Variants in EIF3H observed in about 807,000 individuals in gnomAD.
EIF3H encodes the protein eukaryotic translation initiation factor 3 subunit H.
EIF3H carries 26 observed loss-of-function variants against 44.2 expected under a neutral mutation model. The ratio of observed to expected loss-of-function variants is 0.59; its 90% CI spans 0.43 to 0.82. The LOEUF is 0.82. Among genes scored for constraint, EIF3H ranks in the 40% least tolerant of loss-of-function variants. The probability of loss-of-function intolerance (pLI) is 0.00; values close to 1 mark genes in which losing one functional copy is unlikely to be tolerated. For missense variants in EIF3H, 359 were observed against 432.8 expected, an observed-to-expected ratio of 0.83 and a Z score of 1.51; for synonymous variants, 166 against 151.9, an observed-to-expected ratio of 1.09 and a Z score of -0.68.
At position 116,743,798 on chromosome 8, in the gene EIF3H, A is replaced by ATATATATATATAT. The variant is rs1491232249; in HGVS notation, c.132+11867_132+11868insATATATATATATA. Among the ~76,000 whole-genome samples the ATATATATATATAT allele has an allele frequency of 1.6e-3, 130 of 79,622 alleles. 1 individual carries two copies. Among genetic ancestry groups the ATATATATATATAT allele is most frequent in the Non-Finnish European group, 1.8e-3 (74 of 41,050 alleles). 52.2% of individuals were successfully genotyped at this position (79,622 alleles called of 152,430 possible). A position where few individuals can be genotyped will look rare whatever the true frequency, so the allele number is the denominator to read the frequency against. ...TATATATATATATATATATATATAT[A>ATATATATATATAT]AACACACACACACACACACACACAC... On this transcript the variant is annotated intron_variant, in intron 1 of 7. Coordinates refer to ENST00000521861, the MANE Select transcript of EIF3H (RefSeq NM_003756.3).
chr8:116,704,298 T>C (rs146504273), intron 2 of EIF3H, among the ~76,000 whole-genome samples: 205 of 152,336 alleles, frequency 1.3e-3, no homozygotes, highest in African/African-American at 4.8e-3. Flanking sequence ...ATGGATTCAA[T>C]GCATGCAAGT....
At chr8:116,664,203 T>A (rs536400912) in intron 2 of EIF3H, among the ~76,000 whole-genome samples, 190 of 152,318 alleles carry the variant, frequency 1.2e-3, no homozygotes, top group Non-Finnish European at 1.3e-3. Flanking sequence ...ATATCCTCTT[T>A]GCAAAACAGT....
intron 5 of EIF3H, among the ~76,000 whole-genome samples, chr8:116,655,038 C>T (rs939647065): frequency 6.6e-6 from 1 of 151,914 alleles, no homozygotes; most frequent in Non-Finnish European, 1.5e-5. Context: ...TGATTCTTTA[C>T]CTACTCTGAC....
chr8:116,752,778 AGGGAGGG>A (rs1815377829), intron 1 of EIF3H, among the ~76,000 whole-genome samples: 1 of 54,132 alleles, frequency 1.8e-5, no homozygotes, highest in African/African-American at 6.1e-5. Flanking sequence ...GGAGGGAGGG[AGGGAGGG>A]AGGGAGGGAG....
intron 2 of EIF3H, among the ~76,000 whole-genome samples, chr8:116,661,462 T>G (rs994903676): frequency 1.3e-5 from 2 of 152,224 alleles, no homozygotes; most frequent in Non-Finnish European, 2.9e-5. Context: ...CTCTGAGATT[T>G]CCCCTGTGGG....
At chr8:116,690,344 C>A (rs906620535) in intron 2 of EIF3H, among the ~76,000 whole-genome samples, 1 of 151,578 alleles carries the variant, frequency 6.6e-6, no homozygotes, top group Non-Finnish European at 1.5e-5. Flanking sequence ...TACCCCTCAA[C>A]CCCACCAGTA....
At chr8:116,705,243 C>A (rs1022921097) in intron 2 of EIF3H, among the ~76,000 whole-genome samples, 1 of 152,160 alleles carries the variant, frequency 6.6e-6, no homozygotes, top group African/African-American at 2.4e-5. Flanking sequence ...TATATTTATA[C>A]ATTTACCCAT....
intron 2 of EIF3H, among the ~76,000 whole-genome samples, chr8:116,701,504 T>C (rs927223135): frequency 3.9e-5 from 6 of 152,212 alleles, no homozygotes; most frequent in Admixed American, 6.5e-5. Context: ...TTCTAAGTAA[T>C]AGAGTAGGGG....
At chr8:116,747,020 T>C (rs1194783728) in intron 1 of EIF3H, among the ~76,000 whole-genome samples, 1 of 152,220 alleles carries the variant, frequency 6.6e-6, no homozygotes, top group Non-Finnish European at 1.5e-5. Flanking sequence ...AAGGGATTTC[T>C]TGACAGATCT....
At chr8:116,755,997 C>T (rs1815442684), upstream of EIF3H, 10 of 1,536,046 alleles carry the variant, frequency 6.5e-6, no homozygotes, top group African/African-American at 1.4e-5. Context: ...TGTACATTTT[C>T]GACCTCTTTC....
chr8:116,656,557 T>G (rs1025355195), intron 4 of EIF3H, among the ~76,000 whole-genome samples: 4 of 152,206 alleles, frequency 2.6e-5, no homozygotes, highest in Non-Finnish European at 5.9e-5. Context: ...TAAAATTCTC[T>G]GCACCTTAAC....
intron 2 of EIF3H, among the ~76,000 whole-genome samples, chr8:116,720,409 C>T (rs1207847411): frequency 1.3e-5 from 2 of 152,150 alleles, no homozygotes; most frequent in South Asian, 4.1e-4. Context: ...CTTTTGCCTT[C>T]TGCCATGACT....
Position 116,704,804 on chromosome 8 carries a change from C to T in EIF3H, c.289+21212G>A, listed in dbSNP as rs189983175. Among the ~76,000 whole-genome samples the T allele has an allele frequency of 7.4e-5, 11 of 148,456 alleles. No individual in the cohort carries two copies. The East Asian group carries it at 1.6e-3, about 21-fold the overall frequency. ...AAGTATCTACAACACAAACTACTTA[C>T]GGCTATTTTAAAGCAAATTATTTCA... On this transcript the variant is annotated intron_variant, in intron 2 of 7. Transcript: ENST00000521861.
chr8:116,660,984 TA>T (rs1403402432), intron 2 of EIF3H, among the ~76,000 whole-genome samples: 1 of 152,200 alleles, frequency 6.6e-6, no homozygotes, highest in Non-Finnish European at 1.5e-5. Context: ...TTACACCAAT[TA>T]TTTTTTATCT....
chr8:116,752,727 A>AGAAAGAAG (rs1252167300), intron 1 of EIF3H, among the ~76,000 whole-genome samples: 1 of 118,752 alleles, frequency 8.4e-6, no homozygotes. Context: ...AAAGAAAGAA[A>AGAAAGAAG]GAAAGAAGAG....
At chr8:116,706,422 A>G (rs1586467052) in intron 2 of EIF3H, among the ~76,000 whole-genome samples, 1 of 152,208 alleles carries the variant, frequency 6.6e-6, no homozygotes, top group African/African-American at 2.4e-5. Context: ...TCAGCTGAGC[A>G]TATCTCCATT....
chr8:116,757,748 G>A, upstream of EIF3H, among the ~76,000 whole-genome samples: 1 of 148,400 alleles, frequency 6.7e-6, no homozygotes, highest in Admixed American at 6.7e-5. Flanking sequence ...TTGAGACAGA[G>A]TCTCCCTGTG....
At chr8:116,679,201 C>A (rs1242425134) in intron 2 of EIF3H, among the ~76,000 whole-genome samples, 5 of 70,460 alleles carry the variant, frequency 7.1e-5, no homozygotes, top group Non-Finnish European at 1.0e-4. Flanking sequence ...CCAGCCGCCC[C>A]GTCCGGGAGG....
intron 2 of EIF3H, among the ~76,000 whole-genome samples, chr8:116,671,946 A>C (rs960949021): frequency 1.3e-5 from 2 of 152,250 alleles, no homozygotes; most frequent in Admixed American, 1.3e-4. Context: ...ACAAATAATA[A>C]ATCAAAGCAG....
Sources: allele counts gnomAD v4.1 joint callset (sites outside exome capture counted in the v4.1 genomes callset), GRCh38; gene constraint gnomAD v4.1.1; transcripts MANE v1.5; gene names NCBI Gene and HGNC (gene_info 2026-07-23, HGNC 2026-07-21).